Variants in MAP4K3 observed in about 807,000 individuals in gnomAD.
The protein encoded by MAP4K3 is MAPK/ERK kinase kinase kinase 3.
MAP4K3 carries 94 observed loss-of-function variants against 143.5 expected under a neutral mutation model. The ratio of observed to expected loss-of-function variants is 0.65; its 90% CI spans 0.55 to 0.78. The LOEUF (loss-of-function observed/expected upper bound fraction) is 0.78, where lower values mean the gene tolerates loss of function less well. Among genes scored for constraint, MAP4K3 ranks in the 30% least tolerant of loss-of-function variants. The pLI, the probability that MAP4K3 is intolerant of heterozygous loss-of-function variation, is 0.00. For missense variants in MAP4K3, 1,077 were observed against 1,068.1 expected (o/e 1.01, Z -0.12); for synonymous variants, 416 against 347.2 (o/e 1.20, Z -2.20).
At chr2:39,352,191 T>C (rs1289194017) in intron 3 of MAP4K3, among the ~76,000 whole-genome samples, 1 of 152,140 alleles carries the variant, frequency 6.6e-6, no homozygotes, top group African/African-American at 2.4e-5. Context: ...CTCGGGAGGC[T>C]GAGACAGAAG....
chr2:39,423,653 G>A (rs1664962601), intron 1 of MAP4K3, among the ~76,000 whole-genome samples: 1 of 152,206 alleles, frequency 6.6e-6, no homozygotes, highest in Non-Finnish European at 1.5e-5. Flanking sequence ...CTAAGGGAAA[G>A]AAGACAGTCT....
chr2:39,261,824 CCA>C (rs945997473), intron 28 of MAP4K3, among the ~76,000 whole-genome samples: 9 of 151,904 alleles, frequency 5.9e-5, no homozygotes, highest in Non-Finnish European at 1.0e-4. Context: ...CTTTATAATT[CCA>C]CTTAAATACT....
intron 19 of MAP4K3, 125 bp downstream of exon 19, chr2:39,290,167 C>A: frequency 7.3e-6 from 4 of 549,058 alleles, no homozygotes; most frequent in South Asian, 6.3e-5. Flanking sequence ...AAATCATTTA[C>A]TTATATCAAC....
Position 39,421,161 on chromosome 2 carries a change from C to T in MAP4K3, c.96+15731G>A, listed in dbSNP as rs919047826. Among the ~76,000 whole-genome samples, 4 of 152,178 alleles carry T rather than the reference C, an allele frequency of 2.6e-5. No homozygotes were observed. In the East Asian group the frequency reaches 5.8e-4, roughly 22 times the overall value. On this transcript the variant is annotated intron_variant, in intron 1 of 33. Transcript: ENST00000263881. Reference sequence around the variant, plus strand: ...ATCAAGTAGCTCACTATCTACTCTTCGGTTCATCAAACACCTCAAATTGCT... The same window carrying T: ...ATCAAGTAGCTCACTATCTACTCTTTGGTTCATCAAACACCTCAAATTGCT...
chr2:39,394,826 C>A (rs1281583430), intron 1 of MAP4K3, among the ~76,000 whole-genome samples: 1 of 152,136 alleles, frequency 6.6e-6, no homozygotes, highest in East Asian at 1.9e-4. Flanking sequence ...TTGATAATAA[C>A]TAGTTTCTAT....
intron 8 of MAP4K3, among the ~76,000 whole-genome samples, chr2:39,327,233 A>G (rs1683522611): frequency 6.6e-6 from 1 of 152,182 alleles, no homozygotes; most frequent in African/African-American, 2.4e-5. Context: ...TCGGGCACCA[A>G]TAATCTTCAT....
intron 1 of MAP4K3, among the ~76,000 whole-genome samples, chr2:39,415,908 G>T (rs1264653529): frequency 8.4e-6 from 1 of 118,640 alleles, no homozygotes; most frequent in African/African-American, 3.3e-5. Context: ...AGTCGAGATC[G>T]CACCATTGCA....
At chr2:39,313,011 C>A (rs954002494) in intron 13 of MAP4K3, among the ~76,000 whole-genome samples, 5 of 152,186 alleles carry the variant, frequency 3.3e-5, no homozygotes, top group African/African-American at 1.2e-4. Flanking sequence ...TGTACCTGAA[C>A]TCTGTGGATG....
At chr2:39,356,196 G>A (rs759065090) in intron 3 of MAP4K3, 53 bp downstream of exon 3, 3 of 1,010,990 alleles carry the variant, frequency 3.0e-6, no homozygotes, top group South Asian at 1.5e-5. Flanking sequence ...TTTGTTTAAT[G>A]CATTAGGTGA....
chr2:39,290,233 G>GTA (rs1681981888), intron 19 of MAP4K3, 59 bp downstream of exon 19: 1 of 1,264,348 alleles, frequency 7.9e-7, no homozygotes, highest in East Asian at 2.5e-5. Flanking sequence ...TCTCAACAAA[G>GTA]TATTAAATTG....
chr2:39,361,578 T>A (rs1229701977), intron 2 of MAP4K3, among the ~76,000 whole-genome samples: 1 of 151,878 alleles, frequency 6.6e-6, no homozygotes, highest in Non-Finnish European at 1.5e-5. Context: ...CAATAACATA[T>A]TAGAATATGT....
rs773261097 is a variant in MAP4K3, at chr2:39,437,035, G to T, written c.-48C>A. ...CCTCCCTCCCGGGCAGGGGAGGGGG[G>T]CCGCTCAGGGGGCCACACGGAGAGA... On this transcript the variant is annotated 5_prime_UTR_variant, in exon 1 of 34. Coordinates refer to ENST00000263881, the MANE Select transcript of MAP4K3 (RefSeq NM_003618.4). 6.8e-6 allele frequency: 10 copies of T among 1,478,454 alleles called. No homozygotes were observed. Among genetic ancestry groups the T allele is most frequent in the Non-Finnish European group, 8.4e-6 (9 of 1,072,914 alleles). The allele number at this position is 1,478,454 out of a possible 1,614,324, so 91.6% of individuals were successfully genotyped here.
chr2:39,386,140 G>A (rs1666499711), intron 1 of MAP4K3, among the ~76,000 whole-genome samples: 1 of 152,170 alleles, frequency 6.6e-6, no homozygotes, highest in South Asian at 2.1e-4. Context: ...AATCCAACAA[G>A]ACTGATGTCC....
At chr2:39,301,151 T>C (rs887334440) in intron 15 of MAP4K3, among the ~76,000 whole-genome samples, 1 of 152,148 alleles carries the variant, frequency 6.6e-6, no homozygotes, top group African/African-American at 2.4e-5. Flanking sequence ...CTGATGAAAA[T>C]TAAAATCAAA....
chr2:39,305,606 T>C lies in MAP4K3; in HGVS notation c.1119+2337A>G, dbSNP rs574464679. ...TATAAGTTGTATACTCTGACAAATA[T>C]TTCATTCATCCCTCTTCTGCCCGAA... On this transcript the variant is annotated intron_variant, in intron 15 of 33. Transcript: ENST00000263881. 9.5e-4 allele frequency among the ~76,000 whole-genome samples: 144 copies of C among 152,286 alleles called. 1 individual carries two copies. The highest frequency in any genetic ancestry group is 3.1e-3 in the African/African-American group (128 of 41,552).
chr2:39,414,894 T>C (rs1449126559), intron 1 of MAP4K3, among the ~76,000 whole-genome samples: 1 of 151,058 alleles, frequency 6.6e-6, no homozygotes, highest in Non-Finnish European at 1.5e-5. Context: ...AAAAAGAGTA[T>C]GTACCAATCT....
At chr2:39,416,270 G>A (rs898991675) in intron 1 of MAP4K3, among the ~76,000 whole-genome samples, 5 of 151,786 alleles carry the variant, frequency 3.3e-5, no homozygotes, top group Non-Finnish European at 7.4e-5. Context: ...ATGCTAAACA[G>A]GCTCTGGTAA....
chr2:39,288,115 C>T lies in MAP4K3; in HGVS notation c.1474+6G>A, dbSNP rs1681877088. The T allele has an allele frequency of 1.2e-6, 2 of 1,613,692 alleles. No homozygotes were observed. The highest frequency in any genetic ancestry group is 8.5e-7 in the Non-Finnish European group (1 of 1,179,782). On this transcript the variant is annotated splice_donor_region_variant and intron_variant, in intron 20 of 33. Transcript: ENST00000263881. ...TAACATATTTGCTGTCACCCTCCAC[C>T]ATTACCTAAGGCAACAGGTTTGTGT... is the stretch of plus-strand genomic sequence containing the variant.
At chr2:39,250,768 A>C in intron 33 of MAP4K3, 63 bp from the exon 34 acceptor site, 1 of 1,349,326 alleles carries the variant, frequency 7.4e-7, no homozygotes, top group Non-Finnish European at 1.0e-6. Flanking sequence ...GTTAGCTCCC[A>C]AATTTTCCAT....
Sources: allele counts gnomAD v4.1 joint callset (sites outside exome capture counted in the v4.1 genomes callset), GRCh38; gene constraint gnomAD v4.1.1; transcripts MANE v1.5; gene names NCBI Gene and HGNC (gene_info 2026-07-23, HGNC 2026-07-21).